ADGRL4: variants seen among roughly 807,000 people sequenced by gnomAD.
The protein encoded by ADGRL4 is EGF, latrophilin and seven transmembrane domain containing 1.
ADGRL4 carries 90 observed loss-of-function variants against 74.8 expected under a neutral mutation model. The ratio of observed to expected loss-of-function variants is 1.20; its 90% CI spans 1.02 to 1.43. ADGRL4 has a LOEUF of 1.43. Ranked by LOEUF, ADGRL4 falls within the 40% of genes most tolerant of loss-of-function variation. ADGRL4 has a pLI of 0.00. For missense variants in ADGRL4, 881 were observed against 814.3 expected (o/e 1.08, Z -1.00); for synonymous variants, 311 against 279.2 (o/e 1.11, Z -1.14).
chr1:78,996,642 A>G (rs1026053718), intron 2 of ADGRL4, among the ~76,000 whole-genome samples: 1 of 152,148 alleles, frequency 6.6e-6, no homozygotes, highest in Non-Finnish European at 1.5e-5. Context: ...GACTTCTATT[A>G]GATGAATATT....
chr1:78,960,255 A>C (rs1649922987), intron 2 of ADGRL4, among the ~76,000 whole-genome samples: 1 of 152,216 alleles, frequency 6.6e-6, no homozygotes, highest in South Asian at 2.1e-4. Context: ...AAATTTTGCA[A>C]AAACTAGTCC....
intron 2 of ADGRL4, among the ~76,000 whole-genome samples, chr1:78,973,650 A>T (rs1650216986): frequency 6.8e-6 from 1 of 146,978 alleles, no homozygotes; most frequent in Non-Finnish European, 1.5e-5. Flanking sequence ...CTTAAATAAG[A>T]TAATCATATA....
chr1:78,927,612 GGGTAGAAAAC>G, intron 7 of ADGRL4, among the ~76,000 whole-genome samples: 2 of 152,034 alleles, frequency 1.3e-5, no homozygotes, highest in Non-Finnish European at 2.9e-5. Context: ...TGCAGTGTCG[GGGTAGAAAAC>G]TTATTTGCTT....
At chr1:78,933,013 G>C (rs568488930) in intron 7 of ADGRL4, among the ~76,000 whole-genome samples, 1 of 151,450 alleles carries the variant, frequency 6.6e-6, no homozygotes, top group East Asian at 1.9e-4. Flanking sequence ...AGAAGAGCTG[G>C]TGTTATTCCT....
In ADGRL4 at chr1:78,909,233, A is replaced by G. The variant is rs562146340; in HGVS notation, c.1749+8401T>C. The stretch of plus-strand genomic sequence containing the variant: ...AATTACAATGAGTAGTGTTTCTAAT[A>G]TAACTTTAATGTGGACATCTAAAGT... On this transcript the variant is annotated intron_variant, in intron 12 of 14. Coordinates refer to ENST00000370742, the MANE Select transcript of ADGRL4 (RefSeq NM_022159.4). Among the ~76,000 whole-genome samples, 180 of 152,132 alleles carry G rather than the reference A, an allele frequency of 1.2e-3. 3 individuals carry two copies. The highest frequency in any genetic ancestry group is 0.012 in the Admixed American group (179 of 15,206).
rs1244153918 is a variant in ADGRL4, at chr1:78,889,795, A to G, written c.*1359T>C. The G allele has an allele frequency of 2.2e-6, 1 of 456,184 alleles. No individual in the cohort carries two copies. The highest frequency in any genetic ancestry group is 4.6e-6 in the Non-Finnish European group (1 of 219,624). The allele number at this position is 456,184 out of a possible 1,614,324, so 28.3% of individuals were successfully genotyped here. A position where few individuals can be genotyped will look rare whatever the true frequency, so the allele number is the denominator to read the frequency against. On this transcript the variant is annotated 3_prime_UTR_variant, in exon 15 of 15. Coordinates refer to ENST00000370742, the MANE Select transcript of ADGRL4 (RefSeq NM_022159.4). Reference sequence around the variant, plus strand: ...TAGATAACATTTTATTTGTTAGAGCAAGATTTGGCAGACTTCATTTCAACA... The same window carrying G: ...TAGATAACATTTTATTTGTTAGAGCGAGATTTGGCAGACTTCATTTCAACA...
chr1:78,916,732 A>G (rs1161509959), intron 12 of ADGRL4, among the ~76,000 whole-genome samples: 1 of 151,862 alleles, frequency 6.6e-6, no homozygotes, highest in African/African-American at 2.4e-5. Flanking sequence ...GAAGACAGAA[A>G]AAGAAATTCA....
At chr1:78,943,105 CAAAG>C (rs112706199) in intron 3 of ADGRL4, among the ~76,000 whole-genome samples, 4,667 of 151,482 alleles carry the variant, frequency 0.031, 90 homozygotes, top group South Asian at 0.053. Flanking sequence ...CACAGACTGC[CAAAG>C]AAAGATAAAA....
intron 12 of ADGRL4, among the ~76,000 whole-genome samples, chr1:78,913,485 A>T (rs2100664819): frequency 6.6e-6 from 1 of 152,016 alleles, no homozygotes; most frequent in East Asian, 1.9e-4. Flanking sequence ...TCGTGGATGG[A>T]ACTGGAGGTC....
intron 2 of ADGRL4, among the ~76,000 whole-genome samples, chr1:78,947,885 G>T (rs1014421957): frequency 6.6e-6 from 1 of 152,078 alleles, no homozygotes; most frequent in Non-Finnish European, 1.5e-5. Context: ...TTTTTAAAGG[G>T]TGAGTTGTGT....
intron 3 of ADGRL4, among the ~76,000 whole-genome samples, chr1:78,943,892 T>C (rs1379672674): frequency 6.6e-6 from 1 of 152,186 alleles, no homozygotes; most frequent in Non-Finnish European, 1.5e-5. Context: ...GGCTCAATAC[T>C]GGGTATTGGG....
chr1:79,005,185 A>G lies in ADGRL4; in HGVS notation c.57T>C (p.Thr19=), dbSNP rs1035557353. 1.2e-6 allele frequency: 2 copies of G among 1,613,454 alleles called. No individual in the cohort carries two copies. Among genetic ancestry groups the G allele is most frequent in the African/African-American group, 2.7e-5 (2 of 74,914 alleles). ...VFSTLLNCSY[T]QNCTKTPCLP... The stretch of plus-strand genomic sequence containing the variant: ...GACAAGGTGTCTTGGTGCAATTTTG[A>G]GTATAGGAACAATTCAACAAAGTGG... Residue 19 remains threonine (T), a synonymous_variant, in exon 2 of 15, where the codon ACT becomes ACC. Coordinates refer to ENST00000370742, the MANE Select transcript of ADGRL4 (RefSeq NM_022159.4).
chr1:78,976,603 C>G (rs1314499646), intron 2 of ADGRL4, among the ~76,000 whole-genome samples: 1 of 151,286 alleles, frequency 6.6e-6, no homozygotes, highest in South Asian at 2.1e-4. Context: ...ATACATAAGA[C>G]CTTTGATTGT....
In ADGRL4 at chr1:78,946,413, A is replaced by G. The variant is rs1235774345; in HGVS notation, c.186T>C (p.Cys62=). 6.2e-7 allele frequency: 1 copy of G among 1,609,354 alleles called. No individual in the cohort carries two copies. The highest frequency in any genetic ancestry group is 8.5e-7 in the Non-Finnish European group (1 of 1,178,112). The change falls in exon 3 of 15, where the codon TGT becomes TGC. Residue 62 remains cysteine, a synonymous_variant. Transcript: ENST00000370742. Reference sequence around the variant, plus strand: ...CGCCACAGGACTGAGTTAAATTTCCACATTCATTATCATCTGTTGGCATAT... The same window carrying G: ...CGCCACAGGACTGAGTTAAATTTCCGCATTCATTATCATCTGTTGGCATAT... ...GVTICEDDNE[C]GNLTQSCGEN...
At chr1:78,942,423 C>T (rs1649505970) in intron 3 of ADGRL4, among the ~76,000 whole-genome samples, 1 of 152,010 alleles carries the variant, frequency 6.6e-6, no homozygotes, top group South Asian at 2.1e-4. Flanking sequence ...GTTACCATGT[C>T]TTGGTAATCT....
rs1341038986 is a variant in ADGRL4 at position 78,937,837 on chromosome 1, T to C, written c.730A>G (p.Thr244Ala). The change falls in exon 6 of 15, where the codon ACA (threonine) becomes GCA (alanine). Residue 244 changes from threonine (T) to alanine (A), a missense_variant. Coordinates refer to ENST00000370742, the MANE Select transcript of ADGRL4 (RefSeq NM_022159.4). ...LRISQSFQKT[T>A]EFDTNSTDIA... ...TCCGTTGAATTTGTATCAAACTCTG[T>C]GGTCTTTTGGAAGCTCTGGGATATC... is the stretch of plus-strand genomic sequence containing the variant. The C allele has an allele frequency of 4.3e-6, 7 of 1,612,186 alleles. No homozygotes were observed. The highest frequency in any genetic ancestry group is 5.9e-6 in the Non-Finnish European group (7 of 1,179,508).
chr1:78,938,641 C>A (rs1406566978), intron 4 of ADGRL4, among the ~76,000 whole-genome samples: 2 of 152,070 alleles, frequency 1.3e-5, no homozygotes, highest in East Asian at 3.9e-4. Flanking sequence ...TATTGATATC[C>A]TAAGCAATAA....
chr1:78,917,383 TTTTTATATTTAAAAAGTATTATTATA>T (rs1390435866), intron 12 of ADGRL4, among the ~76,000 whole-genome samples: 1 of 151,104 alleles, frequency 6.6e-6, no homozygotes. Context: ...TACATGATTT[TTTTTATATTTAAAAAGTATTATTATA>T]TTTTATATTT....
At chr1:78,912,296 A>G (rs1648778069) in intron 12 of ADGRL4, among the ~76,000 whole-genome samples, 1 of 151,796 alleles carries the variant, frequency 6.6e-6, no homozygotes. Context: ...TGCCAAGGAG[A>G]CCCCAGAAAA....
Sources: gnomAD v4.1 joint callset for allele counts (sites outside exome capture counted in the v4.1 genomes callset) on GRCh38, gnomAD v4.1.1 for gene constraint, MANE v1.5 for transcripts, NCBI Gene and HGNC (gene_info 2026-07-23, HGNC 2026-07-21) for gene names.